DISC1: variants seen among roughly 807,000 people sequenced by gnomAD.
The protein encoded by DISC1 is disrupted in schizophrenia 1 protein.
DISC1 carries 57 observed loss-of-function variants against 84.5 expected under a neutral mutation model. The observed-to-expected ratio is 0.67, with a 90% confidence interval of 0.55 to 0.84. The LOEUF (loss-of-function observed/expected upper bound fraction) is 0.84. DISC1 is among the 40% of genes least tolerant of loss of function. The pLI is 0.00. For synonymous variants in DISC1, 411 were observed against 415.2 expected (o/e 0.99, Z 0.12); for missense variants, 1,000 against 1,057.8 (o/e 0.95, Z 0.76).
intron 1 of DISC1, among the ~76,000 whole-genome samples, chr1:231,672,574 G>A (rs1389998536): frequency 6.6e-6 from 1 of 152,144 alleles, no homozygotes; most frequent in East Asian, 1.9e-4. Context: ...CCTTTGTGCT[G>A]TCCTTAGTAT....
At chr1:231,773,453 C>T (rs188630991) in intron 6 of DISC1, among the ~76,000 whole-genome samples, 7 of 152,262 alleles carry the variant, frequency 4.6e-5, no homozygotes, top group South Asian at 2.1e-4. Context: ...GGTGCGATCT[C>T]GGCTCACTGC....
chr1:231,654,499 AT>A lies in DISC1; in HGVS notation c.67+27569del, dbSNP rs2060899802. ...TGTGTGTGGTATGAAATTCTTAGCAATTTTGAAATATATTGCATTATTATTA... is the reference window on the plus strand; with the variant it reads ...TGTGTGTGGTATGAAATTCTTAGCAATTTGAAATATATTGCATTATTATTA... On this transcript the variant is annotated intron_variant, in intron 1 of 12. Transcript: ENST00000439617. Among the ~76,000 whole-genome samples, 5 of 152,214 alleles carry A rather than the reference AT, an allele frequency of 3.3e-5. No individual in the cohort carries two copies. In the South Asian group the frequency reaches 1.0e-3, roughly 32 times the overall value.
Position 231,643,431 on chromosome 1 carries a change from T to G in DISC1, c.67+16497T>G, listed in dbSNP as rs140496092. Among the ~76,000 whole-genome samples the G allele has an allele frequency of 2.8e-3, 432 of 152,258 alleles. 7 individuals are homozygous for G. Among genetic ancestry groups the G allele is most frequent in the East Asian group, 9.7e-3 (50 of 5,180 alleles). On this transcript the variant is annotated intron_variant, in intron 1 of 12. Transcript: ENST00000439617. The stretch of plus-strand genomic sequence containing the variant: ...CTGGGCACACACACTGTATACACGG[T>G]GTGGGGGCCTTCCCCGGGACGCTGA...
chr1:231,946,263 A>G (rs1657177838), intron 9 of DISC1, among the ~76,000 whole-genome samples: 1 of 152,216 alleles, frequency 6.6e-6, no homozygotes, highest in Non-Finnish European at 1.5e-5. Flanking sequence ...CTTATCCACC[A>G]CAATCAAGTC....
intron 10 of DISC1, among the ~76,000 whole-genome samples, chr1:231,992,135 G>C (rs1665287551): frequency 6.6e-6 from 1 of 152,150 alleles, no homozygotes; most frequent in Non-Finnish European, 1.5e-5. Context: ...AAGAGGAATA[G>C]CTAGTGAAAA....
Position 231,770,905 on chromosome 1 carries a change from T to C in DISC1, c.1469T>C (p.Ile490Thr), listed in dbSNP as rs967359044. The change falls in exon 6 of 13, where the codon ATA becomes ACA. Residue 490 changes from isoleucine to threonine, a missense_variant. Ile to Thr is a moderately conservative substitution (Grantham distance 89). Around this residue, in one of 3 missense-constraint regions of DISC1, gnomAD observed 311 missense variants for 400.1 expected, o/e 0.78. Transcript: ENST00000439617. ...AAAGATCAACAGCTGAGAAGGGAAA[T>C]AGAGGAGCAAGAGCAGCAACTCCAG... Reference protein sequence around the residue: ...EAKDQQLRREIEEQEQQLQWQ... With the variant: ...EAKDQQLRRETEEQEQQLQWQ... 2.5e-6 allele frequency: 4 copies of C among 1,613,944 alleles called. No individual in the cohort carries two copies. The highest frequency in any genetic ancestry group is 4.5e-5 in the East Asian group (2 of 44,886).
chr1:231,886,598 G>A (rs1011452405), intron 9 of DISC1, among the ~76,000 whole-genome samples: 2 of 152,112 alleles, frequency 1.3e-5, no homozygotes, highest in Admixed American at 6.5e-5. Context: ...TCTTCTTAAG[G>A]TTTTGTTACT....
chr1:231,783,068 T>C (rs1322750166), intron 6 of DISC1, among the ~76,000 whole-genome samples: 1 of 152,128 alleles, frequency 6.6e-6, no homozygotes, highest in Non-Finnish European at 1.5e-5. Context: ...GTAATTGAAA[T>C]GGAAATATGA....
intron 9 of DISC1, among the ~76,000 whole-genome samples, chr1:231,867,082 C>G (rs1312768139): frequency 1.3e-5 from 2 of 152,164 alleles, no homozygotes; most frequent in Admixed American, 6.5e-5. Flanking sequence ...GGCGTCAAAC[C>G]TCTGCTTCAG....
chr1:232,018,209 A>G (rs1378659376), intron 11 of DISC1, among the ~76,000 whole-genome samples: 1 of 152,192 alleles, frequency 6.6e-6, no homozygotes, highest in Non-Finnish European at 1.5e-5. Context: ...CTGATGAGAT[A>G]TTGTTACCAG....
chr1:231,928,615 C>T (rs1432601199), intron 9 of DISC1, among the ~76,000 whole-genome samples: 1 of 152,130 alleles, frequency 6.6e-6, no homozygotes, highest in Non-Finnish European at 1.5e-5. Context: ...AATTTATTTG[C>T]TCTTGCTTCT....
At chr1:232,029,267 C>T (rs997550871) in intron 12 of DISC1, among the ~76,000 whole-genome samples, 1 of 152,130 alleles carries the variant, frequency 6.6e-6, no homozygotes, top group African/African-American at 2.4e-5. Context: ...TCTTCGAATC[C>T]CAGTCTTCTG....
At position 231,677,430 on chromosome 1, in the gene DISC1, C is replaced by T. The variant is rs115444688; in HGVS notation, c.68-16396C>T. 3.7e-3 allele frequency among the ~76,000 whole-genome samples: 563 copies of T among 152,228 alleles called. 10 individuals carry two copies. Among genetic ancestry groups the T allele is most frequent in the African/African-American group, 0.013 (523 of 41,546 alleles). On this transcript the variant is annotated intron_variant, in intron 1 of 12. Coordinates refer to ENST00000439617, the MANE Select transcript of DISC1 (RefSeq NM_018662.3). ...GTGCTGGAAAATTCCAAAATGTTAT[C>T]GGAATAAAGGAATGACTTCGGGGGC... is the stretch of plus-strand genomic sequence containing the variant.
chr1:231,770,602 T>C (rs2076483342), intron 5 of DISC1, among the ~76,000 whole-genome samples: 1 of 152,176 alleles, frequency 6.6e-6, no homozygotes, highest in Non-Finnish European at 1.5e-5. Context: ...TCACCCCCCA[T>C]AGTTATTTAA....
intron 3 of DISC1, among the ~76,000 whole-genome samples, chr1:231,733,393 G>A (rs1220794850): frequency 6.6e-6 from 1 of 150,380 alleles, no homozygotes; most frequent in East Asian, 2.0e-4. Flanking sequence ...GGTGATGGTA[G>A]GAGTACTGGT....
At chr1:231,929,938 A>G (rs2090554028) in intron 9 of DISC1, among the ~76,000 whole-genome samples, 1 of 152,086 alleles carries the variant, frequency 6.6e-6, no homozygotes. Context: ...GGCTGCTAAT[A>G]TGACACTAGG....
chr1:231,717,162 C>CT lies in DISC1; in HGVS notation c.1117+15141dup, dbSNP rs570676324. On this transcript the variant is annotated intron_variant, in intron 3 of 12. Transcript: ENST00000439617. Reference sequence around the variant, plus strand: ...GCATCAGCTGCTCTAGAGGTCCTGTCTTTGGGAGATGAATTGTGGCCCATT... The same window carrying CT: ...GCATCAGCTGCTCTAGAGGTCCTGTCTTTTGGGAGATGAATTGTGGCCCATT... Among the ~76,000 whole-genome samples, 8 of 152,116 alleles carry CT rather than the reference C, an allele frequency of 5.3e-5. No homozygotes were observed. The South Asian group carries it at 1.7e-3, about 32-fold the overall frequency.
At chr1:232,015,819 G>T (rs1668443787) in intron 11 of DISC1, among the ~76,000 whole-genome samples, 1 of 152,174 alleles carries the variant, frequency 6.6e-6, no homozygotes, top group African/African-American at 2.4e-5. Flanking sequence ...TGGTGTTTCT[G>T]CTTTGCCAGC....
At chr1:231,721,150 C>G (rs2069627405) in intron 3 of DISC1, 1 of 1,239,004 alleles carries the variant, frequency 8.1e-7, no homozygotes, top group East Asian at 5.7e-5. Context: ...CCTTGCTGGG[C>G]TGATGAAAGA....
Sources: allele counts gnomAD v4.1 joint callset (sites outside exome capture counted in the v4.1 genomes callset), GRCh38; gene constraint gnomAD v4.1.1; regional missense constraint gnomAD v4.1.1; transcripts MANE v1.5; gene names NCBI Gene and HGNC (gene_info 2026-07-23, HGNC 2026-07-21).